The following AASS variants were observed in gnomAD, a reference collection of about 807,000 sequenced individuals.
AASS encodes aminoadipate-semialdehyde synthase.
In AASS, 86 loss-of-function variants were observed where a neutral mutation model predicts 105.4. That is an observed-to-expected ratio of 0.82 (90% CI 0.69 to 0.98). The LOEUF is 0.98. Among genes scored for constraint, AASS ranks in the 50% least tolerant of loss-of-function variants. AASS has a pLI of 0.00. For synonymous variants in AASS, 381 were observed against 394.8 expected (o/e 0.96, Z 0.41); for missense variants, 1,048 against 1,143.2 (o/e 0.92, Z 1.20).
intron 3 of AASS, among the ~76,000 whole-genome samples, chr7:122,129,018 C>A (rs1795788187): frequency 6.6e-6 from 1 of 152,106 alleles, no homozygotes; most frequent in African/African-American, 2.4e-5. Context: ...GCGGAGGTTG[C>A]AGTGAGCCAA....
chr7:122,088,872 G>A (rs561700435), intron 18 of AASS, among the ~76,000 whole-genome samples: 10 of 152,184 alleles, frequency 6.6e-5, no homozygotes, highest in South Asian at 4.1e-4. Flanking sequence ...TGAGGGGAAT[G>A]AAACTAAGAG....
chr7:122,137,738 C>T (rs2150557205), intron 1 of AASS, among the ~76,000 whole-genome samples: 2 of 152,210 alleles, frequency 1.3e-5, no homozygotes, highest in South Asian at 4.1e-4. Context: ...CATGGAAATG[C>T]CAACGGAGGC....
At chr7:122,124,023 A>G (rs1055790010) in intron 4 of AASS, among the ~76,000 whole-genome samples, 6 of 152,218 alleles carry the variant, frequency 3.9e-5, no homozygotes, top group Admixed American at 1.3e-4. Context: ...CATCCTGTGA[A>G]TTCCACCTTC....
rs760543217 is a variant in AASS, at chr7:122,086,144, A to G, written c.2052T>C (p.Asp684=). The change falls in exon 19 of 24, where the codon GAT becomes GAC. Residue 684 remains aspartate, a synonymous_variant. Coordinates refer to ENST00000417368, the MANE Select transcript of AASS (RefSeq NM_005763.4). ...GAAAAAAATCCATGGACGTAACGGC[A>G]TCAAGAAAGGAGATGCCTCCTGCAA... ...VNVAGGISFL[D]AVTSMDFFPG... is the part of the protein sequence containing the mutation. The G allele has an allele frequency of 6.2e-7, 1 of 1,613,594 alleles. No homozygotes were observed. The highest frequency in any genetic ancestry group is 1.1e-5 in the South Asian group (1 of 91,054).
chr7:122,137,476 G>A (rs980850677), intron 1 of AASS, among the ~76,000 whole-genome samples: 2 of 152,074 alleles, frequency 1.3e-5, no homozygotes, highest in South Asian at 2.1e-4. Flanking sequence ...GTAGCATGCC[G>A]TGCCTCTCTT....
intron 11 of AASS, among the ~76,000 whole-genome samples, chr7:122,103,380 A>G (rs1022536549): frequency 6.6e-5 from 10 of 152,118 alleles, no homozygotes; most frequent in African/African-American, 1.9e-4. Context: ...TTCAGAAAAA[A>G]AGAAGAAATA....
At chr7:122,141,816 C>T (rs755491080) in intron 1 of AASS, among the ~76,000 whole-genome samples, 7 of 152,058 alleles carry the variant, frequency 4.6e-5, no homozygotes, top group Non-Finnish European at 1.0e-4. Context: ...CTTCAGTTTC[C>T]TTACCCAGAC....
Position 122,111,550 on chromosome 7 carries a change from C to A in AASS, c.1278+1568G>T, listed in dbSNP as rs553872671. Among the ~76,000 whole-genome samples, 6 of 152,290 alleles carry A rather than the reference C, an allele frequency of 3.9e-5. No individual in the cohort carries two copies. In the South Asian group the frequency reaches 1.2e-3, roughly 32 times the overall value. On this transcript the variant is annotated intron_variant, in intron 11 of 23. Coordinates refer to ENST00000417368, the MANE Select transcript of AASS (RefSeq NM_005763.4). Reference sequence around the variant, plus strand: ...TATTATTGTATTTTTTATATACATACAGTTTGGCCACTTAAACATTTACCA... The same window carrying A: ...TATTATTGTATTTTTTATATACATAAAGTTTGGCCACTTAAACATTTACCA...
chr7:122,129,579 T>C (rs747850191), intron 2 of AASS, 42 bp from the exon 3 acceptor site: 28 of 1,590,264 alleles, frequency 1.8e-5, no homozygotes, highest in Non-Finnish European at 2.2e-5. Context: ...TCCTGATTTG[T>C]AATATCCATG....
chr7:122,081,468 G>C, intron 20 of AASS, 32 bp downstream of exon 20: 3 of 1,507,146 alleles, frequency 2.0e-6, no homozygotes, highest in Non-Finnish European at 2.8e-6. Flanking sequence ...TTCTGAAAAG[G>C]AGCAGATAGA....
chr7:122,083,460 C>T (rs1215604529), intron 19 of AASS, among the ~76,000 whole-genome samples: 1 of 152,018 alleles, frequency 6.6e-6, no homozygotes, highest in Non-Finnish European at 1.5e-5. Context: ...TAGCAAACTG[C>T]TGCCATATGT....
chr7:122,075,802 G>C lies in AASS; in HGVS notation c.*687C>G, dbSNP rs558473991. On this transcript the variant is annotated 3_prime_UTR_variant, in exon 24 of 24. Coordinates refer to ENST00000417368, the MANE Select transcript of AASS (RefSeq NM_005763.4). ...AAATAAATCATAACTTTACAAAAAG[G>C]GCATAAAATAGCATTTTGGCAAAAA... is the stretch of plus-strand genomic sequence containing the variant. 1 of 151,940 alleles carries C rather than the reference G, an allele frequency of 6.6e-6. No homozygotes were observed. Among genetic ancestry groups the C allele is most frequent in the South Asian group, 2.1e-4 (1 of 4,798 alleles). 9.4% of individuals were successfully genotyped at this position (151,940 alleles called of 1,614,324 possible).
In AASS at chr7:122,081,551, T is replaced by A; in HGVS notation, c.2229A>T (p.Ile743=). The A allele has an allele frequency of 6.2e-7, 1 of 1,614,002 alleles. No homozygotes were observed. The highest frequency in any genetic ancestry group is 8.5e-7 in the Non-Finnish European group (1 of 1,179,892). ...TAAAGGCAGGAAGCGCTTCTCTGTT[T>A]ATAAGACCTAATTTTACAAATCCAT... ...ALNGFVKLGL[I]NREALPAFRP... The change falls in exon 20 of 24, where the codon ATA becomes ATT. Residue 743 remains isoleucine (I), a synonymous_variant. Coordinates refer to ENST00000417368, the MANE Select transcript of AASS (RefSeq NM_005763.4).
At chr7:122,092,776 A>G in intron 17 of AASS, 67 bp downstream of exon 17, 1 of 1,310,122 alleles carries the variant, frequency 7.6e-7, no homozygotes, top group Non-Finnish European at 1.1e-6. Flanking sequence ...ATTATAACTC[A>G]TACTTTGATT....
intron 2 of AASS, among the ~76,000 whole-genome samples, chr7:122,132,955 A>T (rs1170702065): frequency 1.3e-5 from 2 of 152,180 alleles, no homozygotes; most frequent in Admixed American, 1.3e-4. Context: ...CATAGACTAT[A>T]TAAGATGATA....
At chr7:122,104,586 C>G (rs906132258) in intron 11 of AASS, among the ~76,000 whole-genome samples, 5 of 151,958 alleles carry the variant, frequency 3.3e-5, no homozygotes, top group Non-Finnish European at 7.4e-5. Flanking sequence ...AGCAAGACTG[C>G]CTCAAAAATA....
intron 2 of AASS, among the ~76,000 whole-genome samples, chr7:122,132,832 G>A (rs1795971100): frequency 6.6e-6 from 1 of 152,040 alleles, no homozygotes; most frequent in South Asian, 2.1e-4. Context: ...AAATCAGAAA[G>A]GGATGTGCTG....
At chr7:122,079,384 G>C (rs1487692208) in intron 21 of AASS, 2 of 1,358,530 alleles carry the variant, frequency 1.5e-6, no homozygotes, top group East Asian at 2.7e-5. Context: ...AAAGTGTTTC[G>C]AGATAAGCAT....
chr7:122,133,856 A>G (rs1411636750), intron 1 of AASS, 115 bp from the exon 2 acceptor site: 1 of 900,356 alleles, frequency 1.1e-6, no homozygotes, highest in African/African-American at 1.6e-5. Context: ...AAACAGACAC[A>G]AGGTAGAGAA....
Sources: gnomAD v4.1 joint callset for allele counts (sites outside exome capture counted in the v4.1 genomes callset) on GRCh38, gnomAD v4.1.1 for gene constraint, MANE v1.5 for transcripts, NCBI Gene and HGNC (gene_info 2026-07-23, HGNC 2026-07-21) for gene names.